Variants in NUP107 observed in about 807,000 individuals in gnomAD.
NUP107 encodes nuclear pore complex protein Nup107.
NUP107 carries 101 observed loss-of-function variants against 141.0 expected under a neutral mutation model. That is an observed-to-expected ratio of 0.72 (90% CI 0.61 to 0.84). The LOEUF is 0.84. NUP107 is among the 40% of genes least tolerant of loss of function. The pLI is 0.00. For synonymous variants in NUP107, 319 were observed against 363.9 expected (o/e 0.88, Z 1.41); for missense variants, 941 against 1,102.7 (o/e 0.85, Z 2.08).
At chr12:68,689,829 G>C (rs1875693967) in intron 3 of NUP107, 1 of 465,720 alleles carries the variant, frequency 2.1e-6, no homozygotes, top group South Asian at 3.1e-5. Context: ...GGTATTGTTG[G>C]CCCTGTTTTA....
In NUP107 at chr12:68,732,499, T is replaced by G. The variant is rs557831663; in HGVS notation, c.1999-138T>G. ...AAATACACTAAGGAAAGTTAGATGC[T>G]TTCATAATTTTGTATAACTTGAGAG... On this transcript the variant is annotated intron_variant, in intron 22 of 27. Coordinates refer to ENST00000229179, the MANE Select transcript of NUP107 (RefSeq NM_020401.4). The G allele has an allele frequency of 2.7e-4, 138 of 507,730 alleles. 4 individuals are homozygous for G. The South Asian group carries it at 4.3e-3, about 16-fold the overall frequency. The allele number at this position is 507,730 out of a possible 1,614,324, so 31.5% of individuals were successfully genotyped here. A position where few individuals can be genotyped will look rare whatever the true frequency, so the allele number is the denominator to read the frequency against.
At chr12:68,691,842 A>G (rs75585355) in intron 4 of NUP107, 126 bp from the exon 5 acceptor site, 2,167 of 167,672 alleles carry the variant, frequency 0.013, no homozygotes, top group South Asian at 0.045. Context: ...TCAAGAAGGG[A>G]AAAAAAAAAA....
At chr12:68,736,705 A>G (rs1203418414) in intron 26 of NUP107, among the ~76,000 whole-genome samples, 4 of 144,628 alleles carry the variant, frequency 2.8e-5, no homozygotes, top group Admixed American at 6.9e-5. Flanking sequence ...GCATGAGTCA[A>G]TGTGTCGCCA....
chr12:68,696,997 C>G (rs1267135709), intron 6 of NUP107, 75 bp downstream of exon 6: 2 of 902,914 alleles, frequency 2.2e-6, no homozygotes, highest in African/African-American at 3.3e-5. Flanking sequence ...ACCTAATTTT[C>G]ATAGTGTTTA....
At chr12:68,740,779 T>C (rs927567094) in intron 26 of NUP107, among the ~76,000 whole-genome samples, 2 of 152,124 alleles carry the variant, frequency 1.3e-5, no homozygotes, top group Non-Finnish European at 2.9e-5. Context: ...ATCCCAGCAC[T>C]TTGGGAGGCT....
chr12:68,695,036 G>T (rs1213626785), intron 5 of NUP107, among the ~76,000 whole-genome samples: 2 of 152,188 alleles, frequency 1.3e-5, no homozygotes, highest in Non-Finnish European at 2.9e-5. Flanking sequence ...ACTACAGTGA[G>T]TTACAAGATA....
chr12:68,691,984 A>G lies in NUP107; in HGVS notation c.320A>G (p.Asp107Gly), dbSNP rs1339479207. Residue 107 changes from aspartate (D) to glycine (G), a missense_variant, in exon 5 of 28, where the codon GAC becomes GGC. Coordinates refer to ENST00000229179, the MANE Select transcript of NUP107 (RefSeq NM_020401.4). Reference sequence around the variant, plus strand: ...TTTTTTAAGGTTACTAATCTGGATGACAGTAACTGGGCAGCTGCATTTTCA... The same window carrying G: ...TTTTTTAAGGTTACTAATCTGGATGGCAGTAACTGGGCAGCTGCATTTTCA... The part of the protein sequence containing the change: ...GNLSMVTNLD[D>G]SNWAAAFSSQ... 1 of 1,600,382 alleles carries G rather than the reference A, an allele frequency of 6.2e-7. No individual in the cohort carries two copies. The highest frequency in any genetic ancestry group is 1.8e-5 in the Admixed American group (1 of 55,846).
chr12:68,734,650 C>G (rs558239682), intron 24 of NUP107, 58 bp from the exon 25 acceptor site: 1 of 1,304,878 alleles, frequency 7.7e-7, no homozygotes, highest in African/African-American at 1.5e-5. Context: ...GTTGGTGAAA[C>G]GATAAAAGTG....
At chr12:68,720,123 T>C (rs930849870) in intron 14 of NUP107, among the ~76,000 whole-genome samples, 4 of 152,134 alleles carry the variant, frequency 2.6e-5, no homozygotes, top group African/African-American at 9.7e-5. Context: ...GTCATCACAA[T>C]GTACAACATT....
chr12:68,725,724 C>A lies in NUP107; in HGVS notation c.1507-3C>A. On this transcript the variant is annotated splice_region_variant and splice_polypyrimidine_tract_variant and intron_variant, in intron 17 of 27. Transcript: ENST00000229179. ...TATGGAAAATTAAAAACTTTTTTTTCAGAGAGTTCTGGAAGAGAATCAAGA... is the reference window on the plus strand; with the variant it reads ...TATGGAAAATTAAAAACTTTTTTTTAAGAGAGTTCTGGAAGAGAATCAAGA... 2 of 1,480,898 alleles carry A rather than the reference C, an allele frequency of 1.4e-6. No homozygotes were observed. The highest frequency in any genetic ancestry group is 9.2e-7 in the Non-Finnish European group (1 of 1,084,224). The allele number at this position is 1,480,898 out of a possible 1,614,324, so 91.7% of individuals were successfully genotyped here. A position where few individuals can be genotyped will look rare whatever the true frequency, so the allele number is the denominator to read the frequency against.
At chr12:68,729,703 A>G (rs1042431002) in intron 20 of NUP107, among the ~76,000 whole-genome samples, 1 of 151,912 alleles carries the variant, frequency 6.6e-6, no homozygotes, top group Admixed American at 6.6e-5. Context: ...TCGGCCTTCC[A>G]AAGTGCTAGG....
chr12:68,732,333 G>A lies in NUP107; in HGVS notation c.1999-304G>A, dbSNP rs2136045281. ...GTATTCTTTGTAGAGAAGGGGTTTT[G>A]CCATGTTGTCCAGGCTGGTCTCGAA... On this transcript the variant is annotated intron_variant, in intron 22 of 27. Coordinates refer to ENST00000229179, the MANE Select transcript of NUP107 (RefSeq NM_020401.4). Among the ~76,000 whole-genome samples the A allele has an allele frequency of 2.6e-5, 4 of 152,080 alleles. 2 individuals are homozygous for A. Among genetic ancestry groups the A allele is most frequent in the Admixed American group, 2.6e-4 (4 of 15,268 alleles).
chr12:68,714,329 G>A (rs1226574880), intron 11 of NUP107: 1 of 152,156 alleles, frequency 6.6e-6, no homozygotes, highest in Non-Finnish European at 1.5e-5. Flanking sequence ...TAGTAACAAA[G>A]AGGTTTTTGA....
chr12:68,716,391 C>A (rs1300725388), intron 12 of NUP107, among the ~76,000 whole-genome samples: 1 of 151,860 alleles, frequency 6.6e-6, no homozygotes, highest in African/African-American at 2.4e-5. Flanking sequence ...CCACTATGCC[C>A]AACTAACATT....
chr12:68,705,694 A>T, intron 8 of NUP107: 1 of 649,590 alleles, frequency 1.5e-6, no homozygotes, highest in South Asian at 1.5e-5. Flanking sequence ...AAGGGCCTTC[A>T]GTAGCCATTC....
rs138366858 is a variant in NUP107, at chr12:68,731,234, A to G, written c.1859A>G (p.His620Arg). The G allele has an allele frequency of 1.1e-5, 18 of 1,605,964 alleles. No homozygotes were observed. Among genetic ancestry groups the G allele is most frequent in the Admixed American group, 5.1e-5 (3 of 58,370 alleles). ...GTTACAGAATTTGAACAGCGCCACCATTGCCTGGAGTTGGCTAAAGAAGCA... is the reference window on the plus strand; with the variant it reads ...GTTACAGAATTTGAACAGCGCCACCGTTGCCTGGAGTTGGCTAAAGAAGCA... ...ESVTEFEQRHHCLELAKEADL... is the reference protein window; with the variant it reads ...ESVTEFEQRHRCLELAKEADL... Residue 620 changes from histidine (H) to arginine (R), a missense_variant, in exon 21 of 28, where the codon CAT becomes CGT. Transcript: ENST00000229179.
At chr12:68,728,285 C>CAAA (rs553304592) in intron 20 of NUP107, among the ~76,000 whole-genome samples, 1 of 84,472 alleles carries the variant, frequency 1.2e-5, no homozygotes, top group African/African-American at 4.4e-5. Flanking sequence ...GAGACCATCT[C>CAAA]AAAAAAAAAA....
intron 26 of NUP107, among the ~76,000 whole-genome samples, chr12:68,736,322 G>C (rs1255958804): frequency 6.6e-6 from 1 of 151,994 alleles, no homozygotes. Flanking sequence ...ACCAGAAGGA[G>C]GAAAAAGAAT....
In NUP107 at chr12:68,742,182, T is replaced by G. The variant is rs1352769222; in HGVS notation, c.2671-173T>G. ...AGCAGTTAGAAATATATAGACTGAC[T>G]CTGAGAATTCACCTTGAAATTCCTG... is the stretch of plus-strand genomic sequence containing the variant. On this transcript the variant is annotated intron_variant, in intron 27 of 27. Transcript: ENST00000229179. Among the ~76,000 whole-genome samples, 3 of 152,230 alleles carry G rather than the reference T, an allele frequency of 2.0e-5. No individual in the cohort carries two copies. In the East Asian group the frequency reaches 5.8e-4, roughly 29 times the overall value.
Sources: allele counts gnomAD v4.1 joint callset (sites outside exome capture counted in the v4.1 genomes callset), GRCh38; gene constraint gnomAD v4.1.1; transcripts MANE v1.5; gene names NCBI Gene and HGNC (gene_info 2026-07-23, HGNC 2026-07-21).